PARD3B: variants seen among roughly 807,000 people sequenced by gnomAD.
PARD3B encodes the protein par-3 family cell polarity regulator beta.
In PARD3B, 103 loss-of-function variants were observed where a neutral mutation model predicts 130.2. The observed-to-expected ratio is 0.79, with a 90% CI of 0.67 to 0.93. The LOEUF is 0.93. PARD3B is among the 40% of genes least tolerant of loss of function. The probability of loss-of-function intolerance (pLI) is 0.00; values close to 1 mark genes in which losing one functional copy is unlikely to be tolerated. For synonymous variants in PARD3B, 583 were observed against 553.2 expected (o/e 1.05, Z -0.76); for missense variants, 1,609 against 1,499.2 (o/e 1.07, Z -1.21).
intron 1 of PARD3B, among the ~76,000 whole-genome samples, chr2:204,597,405 T>A (rs1054766039): frequency 1.8e-4 from 28 of 152,214 alleles, no homozygotes; most frequent in African/African-American, 6.5e-4. Context: ...AAATGCTTTT[T>A]AAATTTTCTT....
At chr2:204,783,934 T>TC (rs2041924519) in intron 2 of PARD3B, among the ~76,000 whole-genome samples, 1 of 152,172 alleles carries the variant, frequency 6.6e-6, no homozygotes, top group South Asian at 2.1e-4. Flanking sequence ...TCCAGCGTTT[T>TC]TTTTTCTTTG....
At chr2:204,782,527 G>A (rs563246806) in intron 2 of PARD3B, among the ~76,000 whole-genome samples, 1 of 149,328 alleles carries the variant, frequency 6.7e-6, no homozygotes, top group South Asian at 2.1e-4. Context: ...TATGTAATCG[G>A]TATGTTATTA....
rs73066640 is a variant in PARD3B at position 204,799,158 on chromosome 2, C to G, written c.222+112876C>G. Among the ~76,000 whole-genome samples the G allele has an allele frequency of 0.017, 2,591 of 152,092 alleles. 68 individuals are homozygous for G. The highest frequency in any genetic ancestry group is 0.057 in the African/African-American group (2,372 of 41,480). On this transcript the variant is annotated intron_variant, in intron 2 of 22. Transcript: ENST00000406610. The surrounding 1 kb of genome is among the most constrained non-coding windows in gnomAD (Gnocchi z 4.1). ...AGCCCACTACCCTGAAGGGAGAGAC[C>G]CAGACCTGGAAGCATTCACCACAAG...
rs1488899501 is a variant in PARD3B at position 205,583,412 on chromosome 2, C to T, written c.3260+30009C>T. On this transcript the variant is annotated intron_variant, in intron 22 of 22. Transcript: ENST00000406610. Reference sequence around the variant, plus strand: ...GTGTGTGTGTGTGTGCGCGCGCACGCGCGTGTGAGAGAGAGAGAGAGAGAT... The same window carrying T: ...GTGTGTGTGTGTGTGCGCGCGCACGTGCGTGTGAGAGAGAGAGAGAGAGAT... Among the ~76,000 whole-genome samples the T allele has an allele frequency of 2.4e-4, 9 of 37,016 alleles. No individual in the cohort carries two copies. The Admixed American group carries it at 2.7e-3, about 11-fold the overall frequency. The allele number at this position is 37,016 out of a possible 152,430, so 24.3% of individuals were successfully genotyped here.
At chr2:204,582,715 G>A (rs2032624927) in intron 1 of PARD3B, among the ~76,000 whole-genome samples, 1 of 152,154 alleles carries the variant, frequency 6.6e-6, no homozygotes, top group African/African-American at 2.4e-5. Context: ...TTAGAAGGGA[G>A]GTTTTCTATA....
chr2:205,314,240 G>A (rs1037191782), intron 18 of PARD3B, among the ~76,000 whole-genome samples: 2 of 152,148 alleles, frequency 1.3e-5, no homozygotes, highest in African/African-American at 4.8e-5. Context: ...AGATGCATGA[G>A]AGATGAATGT....
At chr2:205,404,178 C>T (rs1264895115) in intron 19 of PARD3B, among the ~76,000 whole-genome samples, 1 of 152,154 alleles carries the variant, frequency 6.6e-6, no homozygotes. Flanking sequence ...TCTGTGGATT[C>T]AACCAACCGC....
intron 3 of PARD3B, among the ~76,000 whole-genome samples, chr2:205,036,687 A>T (rs996186188): frequency 6.8e-6 from 1 of 146,028 alleles, no homozygotes; most frequent in African/African-American, 2.5e-5. Context: ...ATATATATAC[A>T]CAGCGGACTG....
At chr2:205,271,912 C>T (rs757490673) in intron 16 of PARD3B, among the ~76,000 whole-genome samples, 6 of 152,224 alleles carry the variant, frequency 3.9e-5, no homozygotes, top group Non-Finnish European at 7.4e-5. Context: ...AATCCCGGTA[C>T]TTTGGGAGGC....
intron 2 of PARD3B, among the ~76,000 whole-genome samples, chr2:204,709,727 A>T (rs2038346123): frequency 6.6e-6 from 1 of 152,198 alleles, no homozygotes; most frequent in Non-Finnish European, 1.5e-5. Context: ...TCTTAAGGTA[A>T]CCAAAATCAG....
rs1453969694 is a variant in PARD3B at position 205,024,255 on chromosome 2, C to T, written c.395-23326C>T. ...CGTTCTTGGCTCTCTGCAACCTCTG[C>T]CTCCTGGGTACAAGTGATTCTCCTG... On this transcript the variant is annotated intron_variant, in intron 3 of 22. Coordinates refer to ENST00000406610, the MANE Select transcript of PARD3B (RefSeq NM_001302769.2). Among the ~76,000 whole-genome samples, 6 of 147,572 alleles carry T rather than the reference C, an allele frequency of 4.1e-5. No homozygotes were observed. In the East Asian group the frequency reaches 1.0e-3, roughly 25 times the overall value.
At position 205,113,537 on chromosome 2, in the gene PARD3B, G is replaced by A; in HGVS notation, c.640G>A (p.Gly214Arg). The change falls in exon 6 of 23, where the codon GGA (glycine) becomes AGA (arginine). Residue 214 changes from glycine to arginine, a missense_variant. Gly to Arg is a moderately radical substitution (Grantham distance 125). Coordinates refer to ENST00000406610, the MANE Select transcript of PARD3B (RefSeq NM_001302769.2). Reference sequence around the variant, plus strand: ...GATTTCTGGGGAAGGAGGCCCATTGGGAATACATGTAGTGCCCTTCTTTTC... The same window carrying A: ...GATTTCTGGGGAAGGAGGCCCATTGAGAATACATGTAGTGCCCTTCTTTTC... Reference protein sequence around the residue: ...VEISGEGGPLGIHVVPFFSSL... With the variant: ...VEISGEGGPLRIHVVPFFSSL... 2 of 1,613,168 alleles carry A rather than the reference G, an allele frequency of 1.2e-6. No individual in the cohort carries two copies. The highest frequency in any genetic ancestry group is 1.1e-5 in the South Asian group (1 of 91,000).
intron 11 of PARD3B, among the ~76,000 whole-genome samples, chr2:205,171,452 A>G (rs1235006589): frequency 6.6e-6 from 1 of 152,172 alleles, no homozygotes; most frequent in African/African-American, 2.4e-5. Flanking sequence ...TCAAAAGTGA[A>G]TGAGACCACA....
At chr2:205,006,096 A>C (rs1042387929) in intron 3 of PARD3B, among the ~76,000 whole-genome samples, 1 of 152,214 alleles carries the variant, frequency 6.6e-6, no homozygotes, top group Non-Finnish European at 1.5e-5. Context: ...CTTCACTTAG[A>C]ATAATGCCCT....
chr2:204,885,664 A>G lies in PARD3B; in HGVS notation c.223-79488A>G, dbSNP rs1055152967. On this transcript the variant is annotated intron_variant, in intron 2 of 22. Transcript: ENST00000406610. ...TATTATACTTAGATATTGACTGTTAAAAAGGACATATAGATTGGAAACAAT... is the reference window on the plus strand; with the variant it reads ...TATTATACTTAGATATTGACTGTTAGAAAGGACATATAGATTGGAAACAAT... Among the ~76,000 whole-genome samples the G allele has an allele frequency of 6.6e-5, 10 of 152,346 alleles. No individual in the cohort carries two copies. The East Asian group carries it at 1.9e-3, about 29-fold the overall frequency.
At chr2:205,549,566 A>G (rs1464865979) in intron 21 of PARD3B, among the ~76,000 whole-genome samples, 1 of 152,166 alleles carries the variant, frequency 6.6e-6, no homozygotes, top group Non-Finnish European at 1.5e-5. Context: ...GATACCAACT[A>G]TATGACACTC....
intron 1 of PARD3B, among the ~76,000 whole-genome samples, chr2:204,674,273 C>G (rs752191606): frequency 6.6e-6 from 1 of 152,054 alleles, no homozygotes; most frequent in Non-Finnish European, 1.5e-5. Context: ...TTAGTTAGGT[C>G]GAGAAATTTC....
chr2:205,364,056 G>A (rs920130528), intron 18 of PARD3B, among the ~76,000 whole-genome samples: 16 of 151,976 alleles, frequency 1.1e-4, no homozygotes, highest in Admixed American at 5.9e-4. Flanking sequence ...TTGACCCAGC[G>A]ACTGCATCTG....
At chr2:205,413,632 G>A (rs2046675030) in intron 19 of PARD3B, among the ~76,000 whole-genome samples, 1 of 152,290 alleles carries the variant, frequency 6.6e-6, no homozygotes, top group East Asian at 1.9e-4. Context: ...CAAGAAATAT[G>A]AGGTTATTTG....
Sources: gnomAD v4.1 joint callset for allele counts (sites outside exome capture counted in the v4.1 genomes callset) on GRCh38, gnomAD v4.1.1 for gene constraint, Gnocchi (gnomAD v3.1) non-coding constraint, MANE v1.5 for transcripts, NCBI Gene and HGNC (gene_info 2026-07-23, HGNC 2026-07-21) for gene names.